Variants in SOX6 observed in about 807,000 individuals in gnomAD.
SOX6 encodes the protein transcription factor SOX-6.
A neutral mutation model predicts 97.8 loss-of-function variants in SOX6; 11 were observed. That is an observed-to-expected ratio of 0.11 (90% CI 0.07 to 0.19). SOX6 has a LOEUF of 0.19. Among genes scored for constraint, SOX6 ranks in the 10% least tolerant of loss-of-function variants. The pLI is 1.00. For missense variants in SOX6, 810 were observed against 1,039.5 expected, an observed-to-expected ratio of 0.78 and a Z score of 3.04; for synonymous variants, 360 against 371.4, an observed-to-expected ratio of 0.97 and a Z score of 0.35.
In SOX6 at chr11:16,451,581, C is replaced by T. The variant is rs568802979; in HGVS notation, c.-5+24734G>A. Reference sequence around the variant, plus strand: ...AGTAATATCTTTCTTTACCAGCATGCTGTCCTTCAGCCATATAAGTTGTGC... The same window carrying T: ...AGTAATATCTTTCTTTACCAGCATGTTGTCCTTCAGCCATATAAGTTGTGC... On this transcript the variant is annotated intron_variant, in intron 1 of 15. Coordinates refer to the SOX6 transcript ENST00000396356. Among the ~76,000 whole-genome samples the T allele has an allele frequency of 2.6e-5, 4 of 152,268 alleles. No homozygotes were observed. The East Asian group carries it at 7.7e-4, about 29-fold the overall frequency.
At chr11:16,234,067 G>A (rs534979393) in intron 4 of SOX6, among the ~76,000 whole-genome samples, 1 of 151,096 alleles carries the variant, frequency 6.6e-6, no homozygotes, top group Non-Finnish European at 1.5e-5. Flanking sequence ...TCAGTGGCTT[G>A]TCCAAAGTTA....
chr11:16,132,415 A>G (rs1849814649), intron 6 of SOX6, among the ~76,000 whole-genome samples: 1 of 112,694 alleles, frequency 8.9e-6, no homozygotes. Flanking sequence ...GAAAGAAAGA[A>G]AGAAAGAAAG....
intron 6 of SOX6, among the ~76,000 whole-genome samples, chr11:16,172,841 C>T (rs1403121461): frequency 6.6e-6 from 1 of 151,922 alleles, no homozygotes. Flanking sequence ...ATCCTGAGTT[C>T]AAGTCTAGGC....
At chr11:16,673,816 C>T (rs1012634536) in intron 3 of SOX6, among the ~76,000 whole-genome samples, 4 of 152,156 alleles carry the variant, frequency 2.6e-5, no homozygotes, top group Non-Finnish European at 5.9e-5. Context: ...AATAAAACTA[C>T]AGTCCAAGAT....
chr11:16,681,035 T>C (rs1847923513), intron 3 of SOX6, among the ~76,000 whole-genome samples: 1 of 152,042 alleles, frequency 6.6e-6, no homozygotes, highest in Non-Finnish European at 1.5e-5. Flanking sequence ...CCACTGTCAA[T>C]ATTAGACAGA....
chr11:16,153,945 T>C (rs1471896069), intron 6 of SOX6, among the ~76,000 whole-genome samples: 1 of 152,196 alleles, frequency 6.6e-6, no homozygotes, highest in African/African-American at 2.4e-5. Context: ...AGCATAATTC[T>C]AAGTTCTACT....
intron 4 of SOX6, among the ~76,000 whole-genome samples, chr11:16,591,973 A>G (rs976383546): frequency 6.6e-6 from 1 of 152,152 alleles, no homozygotes; most frequent in African/African-American, 2.4e-5. Context: ...TGAGACTGTT[A>G]AAAATAACAA....
intron 3 of SOX6, among the ~76,000 whole-genome samples, chr11:16,701,451 AAAAG>A (rs1848092774): frequency 6.6e-6 from 1 of 152,192 alleles, no homozygotes; most frequent in Non-Finnish European, 1.5e-5. Flanking sequence ...TCATGGATAA[AAAAG>A]AAGTGACAAG....
intron 4 of SOX6, among the ~76,000 whole-genome samples, chr11:16,534,553 T>C (rs1342878186): frequency 6.6e-6 from 1 of 152,160 alleles, no homozygotes; most frequent in Non-Finnish European, 1.5e-5. Context: ...TTTCAAAAGT[T>C]TGGAATGTAC....
intron 4 of SOX6, among the ~76,000 whole-genome samples, chr11:16,229,644 G>C (rs1480129389): frequency 1.3e-5 from 2 of 151,802 alleles, no homozygotes; most frequent in Non-Finnish European, 2.9e-5. Context: ...TGAAGTCAAT[G>C]AGATTTGAAA....
chr11:16,596,325 C>A (rs1053716788), intron 4 of SOX6, among the ~76,000 whole-genome samples: 3 of 152,172 alleles, frequency 2.0e-5, no homozygotes, highest in African/African-American at 7.2e-5. Flanking sequence ...TCACAATGTT[C>A]CTGACCACAA....
chr11:16,629,797 G>A (rs1848678626), intron 3 of SOX6, among the ~76,000 whole-genome samples: 3 of 152,030 alleles, frequency 2.0e-5, no homozygotes, highest in Non-Finnish European at 4.4e-5. Flanking sequence ...TCTGTTCAGG[G>A]TTTCAGTTGC....
intron 1 of SOX6, among the ~76,000 whole-genome samples, chr11:16,343,377 T>C (rs1442579888): frequency 1.3e-5 from 2 of 151,956 alleles, no homozygotes; most frequent in East Asian, 1.9e-4. Context: ...CATCCTCTTA[T>C]TATAAAGTGA....
At chr11:16,416,204 G>GT (rs1240025627) in intron 1 of SOX6, among the ~76,000 whole-genome samples, 1 of 152,138 alleles carries the variant, frequency 6.6e-6, no homozygotes, top group East Asian at 1.9e-4. Flanking sequence ...AACTTTAACA[G>GT]AAAGAAAAGC....
chr11:15,991,567 T>G (rs902101748), intron 13 of SOX6, among the ~76,000 whole-genome samples: 3 of 152,244 alleles, frequency 2.0e-5, no homozygotes, highest in African/African-American at 7.2e-5. Flanking sequence ...GAATGTCAGA[T>G]GCAAAAACAT....
At chr11:16,127,265 C>T (rs1034001457) in intron 6 of SOX6, among the ~76,000 whole-genome samples, 1 of 151,976 alleles carries the variant, frequency 6.6e-6, no homozygotes, top group African/African-American at 2.4e-5. Context: ...GAATTACTTG[C>T]TCCAAGTTAA....
At chr11:16,710,413 A>T (rs889780483) in intron 3 of SOX6, among the ~76,000 whole-genome samples, 2 of 152,214 alleles carry the variant, frequency 1.3e-5, no homozygotes, top group African/African-American at 4.8e-5. Flanking sequence ...TACAACTAAT[A>T]AGTGGACGAG....
intron 4 of SOX6, among the ~76,000 whole-genome samples, chr11:16,494,888 C>A (rs1001004857): frequency 5.3e-5 from 8 of 152,166 alleles, no homozygotes; most frequent in African/African-American, 1.9e-4. Context: ...GACCACGTAA[C>A]AATATTGCTC....
At chr11:16,455,489 G>C (rs1859795485) in intron 1 of SOX6, among the ~76,000 whole-genome samples, 1 of 151,850 alleles carries the variant, frequency 6.6e-6, no homozygotes, top group South Asian at 2.1e-4. Context: ...CAGCAAAGTG[G>C]TCATATCAAC....
Sources: allele counts gnomAD v4.1 joint callset (sites outside exome capture counted in the v4.1 genomes callset), GRCh38; gene constraint gnomAD v4.1.1; transcripts MANE v1.5; gene names NCBI Gene and HGNC (gene_info 2026-07-23, HGNC 2026-07-21).